Variants in MB21D2 observed in about 807,000 individuals in gnomAD.
MB21D2 encodes the protein Mab-21 domain containing 2.
Under a neutral mutation model 33.3 loss-of-function variants are expected in MB21D2, and 9 were observed. The observed-to-expected ratio is 0.27, with a 90% confidence interval of 0.16 to 0.47. MB21D2 has a LOEUF of 0.47. Ranked by LOEUF, MB21D2 falls within the 20% of genes least tolerant of loss-of-function variation. The pLI is 0.99. For missense variants in MB21D2, 540 were observed against 624.6 expected (o/e 0.86, Z 1.44); for synonymous variants, 241 against 236.3 (o/e 1.02, Z -0.18).
chr3:192,809,569 C>G (rs1327242662), intron 1 of MB21D2, among the ~76,000 whole-genome samples: 1 of 152,174 alleles, frequency 6.6e-6, no homozygotes, highest in Non-Finnish European at 1.5e-5. Flanking sequence ...GCCTTTGGAA[C>G]TGCCACATAA....
chr3:192,908,020 T>C (rs1714249836), intron 1 of MB21D2, among the ~76,000 whole-genome samples: 1 of 152,182 alleles, frequency 6.6e-6, no homozygotes, highest in South Asian at 2.1e-4. Context: ...ACATTTCTTA[T>C]ATTGCCCTAG....
chr3:192,809,367 T>C (rs1433611930), intron 1 of MB21D2, among the ~76,000 whole-genome samples: 2 of 152,182 alleles, frequency 1.3e-5, no homozygotes, highest in Non-Finnish European at 2.9e-5. Flanking sequence ...AGTGCTGGGA[T>C]TACAGGCGTG....
At chr3:192,911,493 A>C (rs548042292) in intron 1 of MB21D2, among the ~76,000 whole-genome samples, 1 of 152,334 alleles carries the variant, frequency 6.6e-6, no homozygotes, top group South Asian at 2.1e-4. Flanking sequence ...AGAATGCAGA[A>C]CATCAAGCCT....
chr3:192,915,665 T>C (rs1209810448), intron 1 of MB21D2, among the ~76,000 whole-genome samples: 1 of 152,224 alleles, frequency 6.6e-6, no homozygotes, highest in African/African-American at 2.4e-5. Flanking sequence ...ATGCCACCCA[T>C]GGCATTAAAC....
intron 1 of MB21D2, among the ~76,000 whole-genome samples, chr3:192,884,651 G>T (rs529128821): frequency 1.3e-5 from 2 of 152,224 alleles, no homozygotes; most frequent in East Asian, 3.9e-4. Flanking sequence ...ACAGGCGTGA[G>T]CCATCGCACC....
At chr3:192,817,749 ACT>A (rs1356521813) in intron 1 of MB21D2, among the ~76,000 whole-genome samples, 2 of 151,892 alleles carry the variant, frequency 1.3e-5, no homozygotes, top group Non-Finnish European at 1.5e-5. Flanking sequence ...TCCGAACTAC[ACT>A]CTGTTCCCAC....
At chr3:192,892,226 G>A (rs1284912445) in intron 1 of MB21D2, among the ~76,000 whole-genome samples, 1 of 152,250 alleles carries the variant, frequency 6.6e-6, no homozygotes, top group Non-Finnish European at 1.5e-5. Flanking sequence ...CTCCCAACGT[G>A]CTTTCACACC....
At chr3:192,818,745 C>T (rs1455732370) in intron 1 of MB21D2, among the ~76,000 whole-genome samples, 1 of 151,960 alleles carries the variant, frequency 6.6e-6, no homozygotes, top group East Asian at 1.9e-4. Context: ...ATGGTCATAA[C>T]TCTGCTTTTC....
chr3:192,806,064 T>G (rs1711653767), intron 1 of MB21D2, among the ~76,000 whole-genome samples: 1 of 152,238 alleles, frequency 6.6e-6, no homozygotes, highest in Admixed American at 6.5e-5. Flanking sequence ...GTGAATGCCA[T>G]CGTGTGGCAC....
intron 1 of MB21D2, among the ~76,000 whole-genome samples, chr3:192,907,631 C>A (rs969584698): frequency 4.6e-5 from 7 of 152,166 alleles, no homozygotes; most frequent in Admixed American, 1.3e-4. Context: ...TTCTCAAAGG[C>A]CTGACCTAAG....
intron 1 of MB21D2, among the ~76,000 whole-genome samples, chr3:192,850,284 C>G (rs955994862): frequency 1.3e-5 from 2 of 152,166 alleles, no homozygotes; most frequent in African/African-American, 4.8e-5. Context: ...TCCCAGGAGA[C>G]AGACTCTACA....
At chr3:192,904,782 T>C (rs1480159743) in intron 1 of MB21D2, among the ~76,000 whole-genome samples, 1 of 152,164 alleles carries the variant, frequency 6.6e-6, no homozygotes, top group Non-Finnish European at 1.5e-5. Context: ...TGATCTCCAT[T>C]TACCAATGTA....
chr3:192,899,042 A>C (rs1471322038), intron 1 of MB21D2, among the ~76,000 whole-genome samples: 1 of 152,248 alleles, frequency 6.6e-6, no homozygotes, highest in Non-Finnish European at 1.5e-5. Context: ...GAAAAAGAGC[A>C]CTGAGGCCCT....
chr3:192,864,190 AG>A (rs1363418043), intron 1 of MB21D2, among the ~76,000 whole-genome samples: 1 of 152,330 alleles, frequency 6.6e-6, no homozygotes, highest in South Asian at 2.1e-4. Context: ...TGAGCAAGGT[AG>A]GGAAGTACTT....
At chr3:192,900,325 G>A (rs1193781039) in intron 1 of MB21D2, among the ~76,000 whole-genome samples, 1 of 150,794 alleles carries the variant, frequency 6.6e-6, no homozygotes, top group Non-Finnish European at 1.5e-5. Context: ...AAAGTGTTGA[G>A]GGGAGAAAAG....
At chr3:192,820,204 AAC>A (rs1475246608) in intron 1 of MB21D2, among the ~76,000 whole-genome samples, 11 of 152,268 alleles carry the variant, frequency 7.2e-5, no homozygotes, top group East Asian at 1.9e-4. Flanking sequence ...ACCCCCCAGA[AAC>A]ACACAGAGGT....
At chr3:192,815,185 T>C (rs984794267) in intron 1 of MB21D2, among the ~76,000 whole-genome samples, 1 of 152,210 alleles carries the variant, frequency 6.6e-6, no homozygotes, top group Non-Finnish European at 1.5e-5. Flanking sequence ...ACACAAAGAA[T>C]GAATAAATTG....
chr3:192,813,957 T>C (rs1711850803), intron 1 of MB21D2, among the ~76,000 whole-genome samples: 2 of 152,202 alleles, frequency 1.3e-5, no homozygotes, highest in African/African-American at 2.4e-5. Flanking sequence ...AAATAACTTG[T>C]CTTTAAGTGT....
intron 1 of MB21D2, among the ~76,000 whole-genome samples, chr3:192,887,560 G>T (rs1025100932): frequency 6.6e-6 from 1 of 152,062 alleles, no homozygotes; most frequent in Non-Finnish European, 1.5e-5. Context: ...GTCTAGGTTT[G>T]ATCTAAAATA....
Sources: allele counts gnomAD v4.1 joint callset (sites outside exome capture counted in the v4.1 genomes callset), GRCh38; gene constraint gnomAD v4.1.1; transcripts MANE v1.5; gene names NCBI Gene and HGNC (gene_info 2026-07-23, HGNC 2026-07-21).